The following ACBD6 variants were observed in gnomAD, a reference collection of about 807,000 sequenced individuals.
ACBD6 encodes acyl-CoA binding domain containing 6.
ACBD6 carries 28 observed loss-of-function variants against 37.2 expected under a neutral mutation model. The ratio of observed to expected loss-of-function variants is 0.75; its 90% CI spans 0.56 to 1.03. The LOEUF (loss-of-function observed/expected upper bound fraction) is 1.03. ACBD6 is among the 50% of genes least tolerant of loss of function. The pLI, the probability that ACBD6 is intolerant of heterozygous loss-of-function variation, is 0.00. For synonymous variants in ACBD6, 113 were observed against 126.8 expected, an observed-to-expected ratio of 0.89 and a Z score of 0.73; for missense variants, 340 against 337.4, an observed-to-expected ratio of 1.01 and a Z score of -0.06.
chr1:180,432,864 C>A (rs149904876), intron 3 of ACBD6, among the ~76,000 whole-genome samples: 78 of 149,818 alleles, frequency 5.2e-4, no homozygotes, highest in East Asian at 1.6e-3. Flanking sequence ...ACGAAGAAAT[C>A]AAAAATCTGA....
intron 6 of ACBD6, among the ~76,000 whole-genome samples, chr1:180,364,779 G>A (rs888828316): frequency 2.0e-5 from 3 of 148,286 alleles, no homozygotes; most frequent in African/African-American, 7.6e-5. Flanking sequence ...TGTCGCCCTG[G>A]CTGGAGTACA....
intron 6 of ACBD6, among the ~76,000 whole-genome samples, chr1:180,382,233 A>T (rs754256817): frequency 6.6e-6 from 1 of 152,020 alleles, no homozygotes; most frequent in Non-Finnish European, 1.5e-5. Context: ...ACAAACAAAA[A>T]ACCCAAAACC....
chr1:180,405,726 A>G (rs1647596060), intron 5 of ACBD6, among the ~76,000 whole-genome samples: 1 of 152,202 alleles, frequency 6.6e-6, no homozygotes, highest in African/African-American at 2.4e-5. Context: ...TTATGTAAAC[A>G]TAATTTGAGC....
intron 6 of ACBD6, among the ~76,000 whole-genome samples, chr1:180,396,311 T>C (rs1224124155): frequency 6.6e-6 from 1 of 152,122 alleles, no homozygotes; most frequent in East Asian, 1.9e-4. Flanking sequence ...GCTATGAGTA[T>C]TTTACCACAA....
intron 7 of ACBD6, among the ~76,000 whole-genome samples, chr1:180,299,174 T>C (rs574482181): frequency 1.3e-5 from 2 of 152,372 alleles, no homozygotes; most frequent in South Asian, 4.1e-4. Flanking sequence ...TTCTCTGCCT[T>C]TGGCATGTTC....
At chr1:180,500,890 CATG>C (rs1486578880) in intron 1 of ACBD6, among the ~76,000 whole-genome samples, 1 of 150,272 alleles carries the variant, frequency 6.7e-6, no homozygotes, top group Non-Finnish European at 1.5e-5. Flanking sequence ...TGCAAAGTGT[CATG>C]ATGTTTTTGC....
At chr1:180,282,239 T>G (rs1649334929) in intron 8 of ACBD6, among the ~76,000 whole-genome samples, 1 of 152,200 alleles carries the variant, frequency 6.6e-6, no homozygotes, top group South Asian at 2.1e-4. Context: ...AAAAAATTAA[T>G]GATTTATCTT....
intron 6 of ACBD6, among the ~76,000 whole-genome samples, chr1:180,349,534 C>T (rs1246006528): frequency 6.6e-6 from 1 of 151,652 alleles, no homozygotes; most frequent in Non-Finnish European, 1.5e-5. Flanking sequence ...GGATTACAGG[C>T]GTGAGCCACC....
At chr1:180,471,350 C>T in intron 3 of ACBD6, among the ~76,000 whole-genome samples, 1 of 146,944 alleles carries the variant, frequency 6.8e-6, no homozygotes, top group East Asian at 2.0e-4. Context: ...TGCAATGAGA[C>T]ATCATTGTGC....
At position 180,453,414 on chromosome 1, in the gene ACBD6, T is replaced by C. The variant is rs1232513340; in HGVS notation, c.385-23152A>G. Among the ~76,000 whole-genome samples, 4 of 152,192 alleles carry C rather than the reference T, an allele frequency of 2.6e-5. No homozygotes were observed. The East Asian group carries it at 5.8e-4, about 22-fold the overall frequency. The stretch of plus-strand genomic sequence containing the variant: ...ATGTATCTCAAAATAATAAGAGCTA[T>C]TTATTACAAACCCACAGCCAATATC... On this transcript the variant is annotated intron_variant, in intron 3 of 7. Coordinates refer to ENST00000367595, the MANE Select transcript of ACBD6 (RefSeq NM_032360.4).
exon 14 of ACBD6, chr1:180,271,072 G>T: frequency 2.3e-6 from 1 of 441,662 alleles, no homozygotes; most frequent in South Asian, 2.1e-5. Context: ...TGACAGGGAC[G>T]TGTGGAATTG....
chr1:180,353,766 A>G (rs1652509608), intron 6 of ACBD6, among the ~76,000 whole-genome samples: 1 of 149,180 alleles, frequency 6.7e-6, no homozygotes, highest in South Asian at 2.1e-4. Context: ...ATTCAATGAC[A>G]TAAAACAGTT....
At chr1:180,484,682 C>T (rs952924162) in intron 3 of ACBD6, among the ~76,000 whole-genome samples, 1 of 148,002 alleles carries the variant, frequency 6.8e-6, no homozygotes, top group Non-Finnish European at 1.5e-5. Context: ...GTATACACGT[C>T]TGTGTCTACA....
intron 6 of ACBD6, among the ~76,000 whole-genome samples, chr1:180,388,809 T>C (rs1653952188): frequency 6.6e-6 from 1 of 151,054 alleles, no homozygotes; most frequent in African/African-American, 2.4e-5. Context: ...AACAATTTCA[T>C]TTATAACATT....
At chr1:180,397,375 A>G in intron 6 of ACBD6, 141 bp downstream of exon 6, 1 of 783,744 alleles carries the variant, frequency 1.3e-6, no homozygotes, top group Non-Finnish European at 2.2e-6. Flanking sequence ...GGAACTATAT[A>G]GTAGCAATGA....
chr1:180,353,117 T>A (rs1342852327), intron 6 of ACBD6, among the ~76,000 whole-genome samples: 2 of 152,238 alleles, frequency 1.3e-5, no homozygotes, highest in Non-Finnish European at 2.9e-5. Flanking sequence ...TTAGAATGTA[T>A]GCTCCAAAAG....
chr1:180,489,405 A>G (rs1651400710), intron 3 of ACBD6, among the ~76,000 whole-genome samples: 1 of 151,592 alleles, frequency 6.6e-6, no homozygotes, highest in Non-Finnish European at 1.5e-5. Flanking sequence ...AAATGTAAAT[A>G]AAAAATAAAA....
Position 180,274,439 on chromosome 1 carries a change from G to C in ACBD6, c.*936+212C>G, listed in dbSNP as rs376977848. ...TAATTTGGGCATCATTGCGCATGCAGGGCAGGGAGTAAGCCAGACGCTGAG... is the reference window on the plus strand; with the variant it reads ...TAATTTGGGCATCATTGCGCATGCACGGCAGGGAGTAAGCCAGACGCTGAG... On this transcript the variant is annotated intron_variant, in intron 10 of 13. Transcript: ENST00000642319. 5.0e-6 allele frequency: 8 copies of C among 1,614,102 alleles called. No individual in the cohort carries two copies. In the African/African-American group the frequency reaches 1.1e-4, roughly 22 times the overall value.
chr1:180,290,176 AG>A (rs1201670861), intron 7 of ACBD6, among the ~76,000 whole-genome samples: 1 of 151,914 alleles, frequency 6.6e-6, no homozygotes, highest in Admixed American at 6.6e-5. Flanking sequence ...TTCAAGAGAA[AG>A]GGTATGGAGC....
Sources: allele counts gnomAD v4.1 joint callset (sites outside exome capture counted in the v4.1 genomes callset), GRCh38; gene constraint gnomAD v4.1.1; transcripts MANE v1.5; gene names NCBI Gene and HGNC (gene_info 2026-07-23, HGNC 2026-07-21).